Variants in SEPTIN14 observed in about 807,000 individuals in gnomAD.
The protein encoded by SEPTIN14 is septin-14.
SEPTIN14 carries 40 observed loss-of-function variants against 53.6 expected under a neutral mutation model. That is an observed-to-expected ratio of 0.75 (90% CI 0.58 to 0.97). The LOEUF (loss-of-function observed/expected upper bound fraction) is 0.97. Among genes scored for constraint, SEPTIN14 ranks in the 50% least tolerant of loss-of-function variants. SEPTIN14 has a pLI of 0.00. For synonymous variants in SEPTIN14, 138 were observed against 166.8 expected (o/e 0.83, Z 1.33); for missense variants, 471 against 508.2 (o/e 0.93, Z 0.70).
chr7:55,851,667 A>G lies in SEPTIN14; in HGVS notation c.55-5030T>C, dbSNP rs189845989. On this transcript the variant is annotated intron_variant, in intron 2 of 9. Transcript: ENST00000388975. ...GTTCATACCACCGAAAGCAATCTAC[A>G]TATTTAACTCAATCCCTATCAAAAT... Among the ~76,000 whole-genome samples the G allele has an allele frequency of 2.8e-3, 424 of 152,284 alleles. 5 individuals are homozygous for G. The highest frequency in any genetic ancestry group is 0.01 in the Middle Eastern group (3 of 294).
intron 6 of SEPTIN14, among the ~76,000 whole-genome samples, chr7:55,830,389 C>A (rs1789088765): frequency 8.1e-6 from 1 of 123,960 alleles, no homozygotes; most frequent in Non-Finnish European, 1.6e-5. Context: ...CTCTGTCTAC[C>A]AGGCTGGAGT....
intron 2 of SEPTIN14, among the ~76,000 whole-genome samples, chr7:55,861,227 G>C (rs1250262847): frequency 2.0e-5 from 3 of 152,232 alleles, no homozygotes; most frequent in Admixed American, 2.0e-4. Flanking sequence ...GCCAGGCGCA[G>C]TGGCTCATGC....
intron 6 of SEPTIN14, among the ~76,000 whole-genome samples, chr7:55,832,345 A>G (rs1165929023): frequency 6.6e-6 from 1 of 152,184 alleles, no homozygotes; most frequent in Middle Eastern, 3.2e-3. Context: ...GAAAAACAGC[A>G]TAGAGATTTC....
chr7:55,814,119 T>G (rs1233640889), intron 7 of SEPTIN14, among the ~76,000 whole-genome samples: 1 of 152,140 alleles, frequency 6.6e-6, no homozygotes, highest in Non-Finnish European at 1.5e-5. Flanking sequence ...TCCCAGATAT[T>G]ATCCAAGACC....
intron 6 of SEPTIN14, among the ~76,000 whole-genome samples, chr7:55,830,676 T>C (rs988847504): frequency 1.3e-5 from 2 of 151,826 alleles, no homozygotes; most frequent in African/African-American, 4.8e-5. Flanking sequence ...TTGTAAATAT[T>C]GGTGAACAGT....
intron 5 of SEPTIN14, among the ~76,000 whole-genome samples, chr7:55,841,202 C>T (rs1584267956): frequency 1.3e-5 from 2 of 152,096 alleles, no homozygotes; most frequent in South Asian, 2.1e-4. Flanking sequence ...AGCCTCCGCA[C>T]CTGGCTATTT....
rs750143386 is a variant in SEPTIN14, at chr7:55,861,969, T to C, written c.28A>G (p.Thr10Ala). 6 of 1,585,020 alleles carry C rather than the reference T, an allele frequency of 3.8e-6. No homozygotes were observed. Among genetic ancestry groups the C allele is most frequent in the Non-Finnish European group, 3.4e-6 (4 of 1,169,004 alleles). Reference protein sequence around the residue: MAERTMAMPTQIPADGDTQK... With the variant: MAERTMAMPAQIPADGDTQK... ...GTATCTCCATCAGCAGGTATTTGTGTGGGCATAGCCATTGTTCTTTCTGCC... is the reference window on the plus strand; with the variant it reads ...GTATCTCCATCAGCAGGTATTTGTGCGGGCATAGCCATTGTTCTTTCTGCC... Residue 10 changes from threonine (T) to alanine (A), a missense_variant, in exon 2 of 10, where the codon ACA (threonine) becomes GCA (alanine). Transcript: ENST00000388975.
intron 2 of SEPTIN14, among the ~76,000 whole-genome samples, chr7:55,847,358 G>A (rs1301626140): frequency 1.3e-5 from 2 of 152,002 alleles, no homozygotes; most frequent in African/African-American, 4.8e-5. Context: ...TTAATATATT[G>A]AGAAAATCCC....
chr7:55,796,243 A>G (rs1395810102), intron 9 of SEPTIN14, among the ~76,000 whole-genome samples, 151 bp from the exon 10 acceptor site: 1 of 152,058 alleles, frequency 6.6e-6, no homozygotes, highest in Non-Finnish European at 1.5e-5. Flanking sequence ...GTAAACACTG[A>G]GATATGGAAT....
chr7:55,805,930 CA>C (rs2115962675), intron 8 of SEPTIN14, among the ~76,000 whole-genome samples: 1 of 152,054 alleles, frequency 6.6e-6, no homozygotes, highest in East Asian at 1.9e-4. Flanking sequence ...TGGGTGTCTA[CA>C]AAGAACAATG....
At position 55,830,343 on chromosome 7, in the gene SEPTIN14, ATATATATTTTT is replaced by A. The variant is rs1343900553; in HGVS notation, c.720+4071_720+4081del. Among the ~76,000 whole-genome samples, 14 of 26,178 alleles carry A rather than the reference ATATATATTTTT, an allele frequency of 5.3e-4. 1 individual carries two copies. Among genetic ancestry groups the A allele is most frequent in the East Asian group, 3.9e-3 (2 of 516 alleles). 17.2% of individuals were successfully genotyped at this position (26,178 alleles called of 152,430 possible). ...ACTGTATATATATATATATATATAT[ATATATATTTTT>A]TTTTTTTTTTGAGACGGAGTCTCGC... On this transcript the variant is annotated intron_variant, in intron 6 of 9. Coordinates refer to ENST00000388975, the MANE Select transcript of SEPTIN14 (RefSeq NM_207366.3).
chr7:55,855,232 G>T (rs542905934), intron 2 of SEPTIN14, among the ~76,000 whole-genome samples: 8 of 151,848 alleles, frequency 5.3e-5, no homozygotes, highest in Non-Finnish European at 1.2e-4. Flanking sequence ...ATGGTCTCGA[G>T]CTCCTGACCT....
chr7:55,802,108 G>A (rs1463205897), intron 9 of SEPTIN14, among the ~76,000 whole-genome samples: 2 of 151,222 alleles, frequency 1.3e-5, no homozygotes, highest in Admixed American at 6.6e-5. Context: ...GGGTTCAAGC[G>A]ATTCTCCTGC....
intron 6 of SEPTIN14, among the ~76,000 whole-genome samples, chr7:55,821,634 A>G (rs1788897997): frequency 6.6e-6 from 1 of 152,008 alleles, no homozygotes; most frequent in Non-Finnish European, 1.5e-5. Flanking sequence ...TCAAATACAG[A>G]GTCCAGGGTT....
At chr7:55,830,784 T>C (rs773123003) in intron 6 of SEPTIN14, among the ~76,000 whole-genome samples, 7 of 151,664 alleles carry the variant, frequency 4.6e-5, no homozygotes, top group African/African-American at 1.7e-4. Context: ...AAAATAGATA[T>C]CCTAAATAGA....
chr7:55,805,216 C>A (rs1190548299), intron 9 of SEPTIN14, 42 bp downstream of exon 9: 1 of 1,551,608 alleles, frequency 6.4e-7, no homozygotes. Context: ...TAATAGGGCA[C>A]CTAAAAATTA....
chr7:55,855,779 C>T (rs1281584379), intron 2 of SEPTIN14, among the ~76,000 whole-genome samples: 1 of 151,940 alleles, frequency 6.6e-6, no homozygotes, highest in African/African-American at 2.4e-5. Flanking sequence ...GTCTTGAACG[C>T]CTCACCTCGT....
rs1788388923 is a variant in SEPTIN14 at position 55,794,240 on chromosome 7, T to C, written c.*1673A>G. The C allele has an allele frequency of 6.6e-6, 1 of 152,174 alleles. No homozygotes were observed. Among genetic ancestry groups the C allele is most frequent in the African/African-American group, 2.4e-5 (1 of 41,450 alleles). 9.4% of individuals were successfully genotyped at this position (152,174 alleles called of 1,614,324 possible). On this transcript the variant is annotated 3_prime_UTR_variant, in exon 10 of 10. Transcript: ENST00000388975. ...GATAATTTTTATAAGGTAGATGTTATTTTTAAATATGGAATAATATTGGTG... is the reference window on the plus strand; with the variant it reads ...GATAATTTTTATAAGGTAGATGTTACTTTTAAATATGGAATAATATTGGTG...
At chr7:55,824,587 A>C (rs1310985589) in intron 6 of SEPTIN14, among the ~76,000 whole-genome samples, 1 of 151,060 alleles carries the variant, frequency 6.6e-6, no homozygotes, top group Admixed American at 6.6e-5. Context: ...GTTCAAGACT[A>C]GCCTGGCCAA....
Sources: allele counts gnomAD v4.1 joint callset (sites outside exome capture counted in the v4.1 genomes callset), GRCh38; gene constraint gnomAD v4.1.1; transcripts MANE v1.5; gene names NCBI Gene and HGNC (gene_info 2026-07-23, HGNC 2026-07-21).